The following CFAP91 variants were observed in gnomAD, a reference collection of about 807,000 sequenced individuals.
CFAP91 encodes the protein cilia- and flagella-associated protein 91.
Under a neutral mutation model 95.9 loss-of-function variants are expected in CFAP91, and 85 were observed. The observed-to-expected ratio is 0.89, with a 90% CI of 0.74 to 1.06. The LOEUF (loss-of-function observed/expected upper bound fraction) is 1.06. Among genes scored for constraint, CFAP91 ranks in the 50% least tolerant of loss-of-function variants. The probability of loss-of-function intolerance (pLI) is 0.00; values close to 1 mark genes in which losing one functional copy is unlikely to be tolerated. For missense variants in CFAP91, 962 were observed against 943.4 expected (o/e 1.02, Z -0.26); for synonymous variants, 335 against 327.5 (o/e 1.02, Z -0.25).
At position 119,706,850 on chromosome 3, in the gene CFAP91, G is replaced by A. The variant is rs1267002847; in HGVS notation, c.166G>A (p.Ala56Thr). 1 of 1,613,120 alleles carries A rather than the reference G, an allele frequency of 6.2e-7. No individual in the cohort carries two copies. The highest frequency in any genetic ancestry group is 2.2e-5 in the East Asian group (1 of 44,860). The change falls in exon 2 of 18, where the codon GCA becomes ACA. Residue 56 changes from alanine to threonine, a missense_variant. Coordinates refer to ENST00000273390, the MANE Select transcript of CFAP91 (RefSeq NM_033364.4). ...IVSSEKDHTQ[A>T]NIQATLIRSR... is the part of the protein sequence containing the mutation. ...GTCAAGTGAGAAAGACCATACACAG[G>A]CAAATATCCAAGCTACCCTGATTCG...
intron 17 of CFAP91, chr3:119,752,193 G>A (rs1158276644): frequency 6.6e-6 from 1 of 152,178 alleles, no homozygotes; most frequent in Non-Finnish European, 1.5e-5. Flanking sequence ...AGGTTGGGGA[G>A]AGTACTGGGG....
intron 11 of CFAP91, among the ~76,000 whole-genome samples, chr3:119,738,379 C>T (rs13086843): frequency 0.37 from 27,029 of 72,386 alleles, 3,150 homozygotes; most frequent in Admixed American, 0.47. Context: ...GACAGAATCT[C>T]GTTCTGTCAC....
At chr3:119,745,756 C>T (rs374096692) in intron 14 of CFAP91, among the ~76,000 whole-genome samples, 59 of 126,300 alleles carry the variant, frequency 4.7e-4, no homozygotes, top group African/African-American at 1.6e-3. Context: ...AGGCATTCAG[C>T]AGATATATTT....
intron 3 of CFAP91, 54 bp downstream of exon 3, chr3:119,707,615 T>C: frequency 6.9e-7 from 1 of 1,459,072 alleles, no homozygotes; most frequent in Non-Finnish European, 9.2e-7. Flanking sequence ...AGCATTTCTT[T>C]AAATTCATTT....
intron 17 of CFAP91, among the ~76,000 whole-genome samples, chr3:119,753,063 A>G (rs1423810819): frequency 6.6e-6 from 1 of 152,192 alleles, no homozygotes; most frequent in Non-Finnish European, 1.5e-5. Context: ...AAAAATACAT[A>G]TTTTTAATTA....
chr3:119,738,399 A>C (rs530516447), intron 11 of CFAP91, among the ~76,000 whole-genome samples: 1 of 110,478 alleles, frequency 9.1e-6, no homozygotes, highest in South Asian at 3.2e-4. Flanking sequence ...CCCAGGCTGA[A>C]GTGCAGTGGT....
At chr3:119,744,730 T>C (rs1418186593) in intron 14 of CFAP91, among the ~76,000 whole-genome samples, 1 of 152,184 alleles carries the variant, frequency 6.6e-6, no homozygotes, top group African/African-American at 2.4e-5. Context: ...GTTTGGGACA[T>C]CTAAGCAGAG....
At chr3:119,754,535 A>G (rs1300872625) in intron 17 of CFAP91, among the ~76,000 whole-genome samples, 1 of 152,262 alleles carries the variant, frequency 6.6e-6, no homozygotes, top group Non-Finnish European at 1.5e-5. Context: ...GAGCAGAAAC[A>G]TTGCAGGATG....
At chr3:119,725,194 T>G (rs1209379782) in intron 6 of CFAP91, among the ~76,000 whole-genome samples, 1 of 152,240 alleles carries the variant, frequency 6.6e-6, no homozygotes, top group African/African-American at 2.4e-5. Context: ...AGGCCACATT[T>G]AGAGGTGCTA....
intron 15 of CFAP91, 86 bp from the exon 16 acceptor site, chr3:119,747,725 G>T: frequency 9.6e-7 from 1 of 1,045,052 alleles, no homozygotes. Flanking sequence ...GGTTTGAATG[G>T]AGTTGCTTAC....
At chr3:119,711,723 T>C (rs981969893) in intron 5 of CFAP91, among the ~76,000 whole-genome samples, 4 of 152,244 alleles carry the variant, frequency 2.6e-5, no homozygotes, top group Non-Finnish European at 5.9e-5. Context: ...AGGGATGGAA[T>C]TGTCTTGGGA....
chr3:119,747,847 G>C lies in CFAP91; in HGVS notation c.2088G>C (p.Glu696Asp), dbSNP rs1391183670. Residue 696 changes from glutamate to aspartate, a missense_variant, in exon 16 of 18, where the codon GAG becomes GAC. Coordinates refer to ENST00000273390, the MANE Select transcript of CFAP91 (RefSeq NM_033364.4). ...TYLQSEEIVA[E>D]LVYSFLIPEV... ...TTCAGTCAGAGGAGATTGTTGCTGAGTTGGTTTATAGTTTTCTGATCCCAG... is the reference window on the plus strand; with the variant it reads ...TTCAGTCAGAGGAGATTGTTGCTGACTTGGTTTATAGTTTTCTGATCCCAG... 6.2e-7 allele frequency: 1 copy of C among 1,613,630 alleles called. No homozygotes were observed. The highest frequency in any genetic ancestry group is 2.2e-5 in the East Asian group (1 of 44,862).
In CFAP91 at chr3:119,737,502, G is replaced by A. The variant is rs2054033915; in HGVS notation, c.1461+20G>A. 3 of 1,375,284 alleles carry A rather than the reference G, an allele frequency of 2.2e-6. No individual in the cohort carries two copies. The highest frequency in any genetic ancestry group is 3.1e-6 in the Non-Finnish European group (3 of 974,798). The allele number at this position is 1,375,284 out of a possible 1,614,324, so 85.2% of individuals were successfully genotyped here. A position where few individuals can be genotyped will look rare whatever the true frequency, so the allele number is the denominator to read the frequency against. ...TCCAATGTAAGTTGGAAACTTTTTA[G>A]TTGAAATGCTAAATTCAATATCATT... On this transcript the variant is annotated intron_variant, in intron 11 of 17. Transcript: ENST00000273390.
chr3:119,729,150 G>T (rs2053844137), intron 7 of CFAP91, among the ~76,000 whole-genome samples: 1 of 152,206 alleles, frequency 6.6e-6, no homozygotes. Context: ...CAGACTAGCA[G>T]CTAGGAGTCC....
chr3:119,755,727 A>C (rs551015449), intron 17 of CFAP91, among the ~76,000 whole-genome samples: 2 of 152,252 alleles, frequency 1.3e-5, no homozygotes, highest in Non-Finnish European at 2.9e-5. Flanking sequence ...TACTCTGTTC[A>C]CAGGGTAAAT....
chr3:119,740,768 A>G (rs745506870), intron 13 of CFAP91, 73 bp downstream of exon 13: 3 of 1,484,382 alleles, frequency 2.0e-6, no homozygotes, highest in Non-Finnish European at 2.8e-6. Context: ...ACACAGCACC[A>G]TTATAATAAA....
chr3:119,719,456 G>C (rs969466129), intron 6 of CFAP91, among the ~76,000 whole-genome samples: 2 of 152,204 alleles, frequency 1.3e-5, no homozygotes, highest in Non-Finnish European at 2.9e-5. Flanking sequence ...AGTGAAAAAG[G>C]ATGACACTGT....
intron 17 of CFAP91, among the ~76,000 whole-genome samples, chr3:119,754,982 C>A (rs1479564490): frequency 2.0e-5 from 3 of 152,208 alleles, no homozygotes; most frequent in African/African-American, 7.2e-5. Context: ...GCTTAGGATC[C>A]ATCACCCATT....
At position 119,744,117 on chromosome 3, in the gene CFAP91, G is replaced by A. The variant is rs1007945476; in HGVS notation, c.1823G>A (p.Arg608Gln). ...GTCATGCTGGCTGAGCGCCAGCGGCGGGTACGAGAGGCTGAAGAGAGTGGT... is the reference window on the plus strand; with the variant it reads ...GTCATGCTGGCTGAGCGCCAGCGGCAGGTACGAGAGGCTGAAGAGAGTGGT... ...AFVMLAERQR[R>Q]VREAEESGRR... The change falls in exon 14 of 18, where the codon CGG (arginine) becomes CAG (glutamine). Residue 608 changes from arginine (R) to glutamine (Q), a missense_variant. Arg to Gln is a conservative substitution (Grantham distance 43). Coordinates refer to ENST00000273390, the MANE Select transcript of CFAP91 (RefSeq NM_033364.4). 5.0e-6 allele frequency: 8 copies of A among 1,613,990 alleles called. No homozygotes were observed. The highest frequency in any genetic ancestry group is 2.7e-5 in the African/African-American group (2 of 74,942).
Sources: gnomAD v4.1 joint callset for allele counts (sites outside exome capture counted in the v4.1 genomes callset) on GRCh38, gnomAD v4.1.1 for gene constraint, MANE v1.5 for transcripts, NCBI Gene and HGNC (gene_info 2026-07-23, HGNC 2026-07-21) for gene names.